The following DEPDC5 variants were observed in gnomAD, a reference collection of about 807,000 sequenced individuals.
The protein encoded by DEPDC5 is GATOR1 complex protein DEPDC5.
Under a neutral mutation model 217.3 loss-of-function variants are expected in DEPDC5, and 73 were observed. That is an observed-to-expected ratio of 0.34 (90% CI 0.28 to 0.41). DEPDC5 has a LOEUF of 0.41. DEPDC5 is among the 10% of genes least tolerant of loss of function. The pLI is 1.00. For missense variants in DEPDC5, 1,675 were observed against 2,070.1 expected (o/e 0.81, Z 3.70); for synonymous variants, 733 against 756.7 (o/e 0.97, Z 0.51).
At chr22:31,833,743 G>A (rs1488388389) in intron 24 of DEPDC5, 172 bp from the exon 25 acceptor site, 8 of 496,052 alleles carry the variant, frequency 1.6e-5, no homozygotes, top group Non-Finnish European at 2.8e-5. Context: ...ATTTTAGATT[G>A]ATCATTTTTC....
At chr22:31,822,448 T>G (rs1217741741) in intron 23 of DEPDC5, among the ~76,000 whole-genome samples, 1 of 151,558 alleles carries the variant, frequency 6.6e-6, no homozygotes, top group Non-Finnish European at 1.5e-5. Flanking sequence ...ACAGGGCGGG[T>G]GGTCTAGCTT....
intron 31 of DEPDC5, among the ~76,000 whole-genome samples, chr22:31,847,718 A>G (rs1245196453): frequency 6.6e-6 from 1 of 152,174 alleles, no homozygotes; most frequent in African/African-American, 2.4e-5. Flanking sequence ...ACTCAAGATA[A>G]GATTTGGGTG....
chr22:31,895,245 A>G (rs1388901845), intron 39 of DEPDC5, among the ~76,000 whole-genome samples: 1 of 152,026 alleles, frequency 6.6e-6, no homozygotes, highest in East Asian at 1.9e-4. Context: ...TCATCATCCT[A>G]TAATGCACAG....
At chr22:31,902,522 C>G (rs940885822) in intron 41 of DEPDC5, among the ~76,000 whole-genome samples, 1 of 151,338 alleles carries the variant, frequency 6.6e-6, no homozygotes, top group Non-Finnish European at 1.5e-5. Context: ...CGTCTAAGGT[C>G]TACCCCTTCA....
At chr22:31,835,570 G>A (rs2090932150) in intron 25 of DEPDC5, among the ~76,000 whole-genome samples, 1 of 152,228 alleles carries the variant, frequency 6.6e-6, no homozygotes, top group Non-Finnish European at 1.5e-5. Flanking sequence ...GAAGGCTGAT[G>A]ATGGCCAGGA....
intron 17 of DEPDC5, 193 bp downstream of exon 17, chr22:31,805,108 GA>G: frequency 2.2e-6 from 1 of 457,078 alleles, no homozygotes. Flanking sequence ...AGTCTATGGT[GA>G]AAAAGAATAA....
intron 40 of DEPDC5, among the ~76,000 whole-genome samples, chr22:31,898,591 A>G (rs1011215437): frequency 4.6e-5 from 7 of 152,234 alleles, no homozygotes; most frequent in Admixed American, 6.5e-5. Context: ...TGTCGTGATC[A>G]GCGGCAGAGA....
chr22:31,846,905 C>G lies in DEPDC5; in HGVS notation c.3093C>G (p.Pro1031=). The part of the protein sequence containing the change: ...ISTHSLESTA[P]PVGKKGTSAL... ...CGCATTCTCTGGAGTCAACTGCACC[C>G]CCAGTGGGGAAGAAGGGAACCTCAG... Residue 1031 remains proline, a synonymous_variant, in exon 31 of 43, where the codon CCC becomes CCG. Coordinates refer to ENST00000651528, the MANE Select transcript of DEPDC5 (RefSeq NM_001242896.3). 2 of 1,614,230 alleles carry G rather than the reference C, an allele frequency of 1.2e-6. No individual in the cohort carries two copies. The highest frequency in any genetic ancestry group is 1.7e-6 in the Non-Finnish European group (2 of 1,180,038).
intron 2 of DEPDC5, among the ~76,000 whole-genome samples, chr22:31,755,667 C>T (rs887152750): frequency 2.0e-5 from 3 of 151,926 alleles, no homozygotes; most frequent in Non-Finnish European, 4.4e-5. Flanking sequence ...ACCTCAACCT[C>T]CCTAATAGTT....
At chr22:31,857,668 TTCTACCCTGAAC>T in intron 32 of DEPDC5, 115 bp downstream of exon 32, 1 of 815,242 alleles carries the variant, frequency 1.2e-6, no homozygotes, top group Non-Finnish European at 2.0e-6. Flanking sequence ...TTTGGATGAA[TTCTACCCTGAAC>T]CCTTTAAAGG....
intron 31 of DEPDC5, among the ~76,000 whole-genome samples, chr22:31,852,426 C>T (rs1313925041): frequency 2.0e-5 from 3 of 151,216 alleles, no homozygotes; most frequent in African/African-American, 4.9e-5. Flanking sequence ...CCGCAGCCTC[C>T]ATCTTCTGGG....
chr22:31,886,502 G>A (rs1025441932), intron 38 of DEPDC5, among the ~76,000 whole-genome samples: 1 of 152,124 alleles, frequency 6.6e-6, no homozygotes, highest in African/African-American at 2.4e-5. Context: ...GCTCACGGCT[G>A]TAATCCCAAC....
intron 23 of DEPDC5, 94 bp downstream of exon 23, chr22:31,821,731 T>A: frequency 6.5e-7 from 1 of 1,534,524 alleles, no homozygotes; most frequent in East Asian, 2.3e-5. Context: ...AAATGTTGTT[T>A]AGAAGACTTG....
chr22:31,787,547 C>T (rs981928092), intron 10 of DEPDC5, among the ~76,000 whole-genome samples: 4 of 152,106 alleles, frequency 2.6e-5, no homozygotes, highest in Non-Finnish European at 4.4e-5. Flanking sequence ...TGGCTCACAC[C>T]TTTAATCCCA....
chr22:31,881,718 G>A (rs1236073126), intron 38 of DEPDC5, among the ~76,000 whole-genome samples: 1 of 152,118 alleles, frequency 6.6e-6, no homozygotes, highest in African/African-American at 2.4e-5. Flanking sequence ...GGCTGAGGCA[G>A]GAGGATCACT....
At chr22:31,765,528 A>G (rs2148112370) in intron 5 of DEPDC5, among the ~76,000 whole-genome samples, 2 of 152,114 alleles carry the variant, frequency 1.3e-5, no homozygotes, top group South Asian at 4.1e-4. Flanking sequence ...ACCTCAGGTG[A>G]TCCACCTGCC....
intron 24 of DEPDC5, among the ~76,000 whole-genome samples, chr22:31,829,313 C>T (rs2090411872): frequency 6.6e-6 from 1 of 152,170 alleles, no homozygotes; most frequent in African/African-American, 2.4e-5. Context: ...GGGTGGATCA[C>T]TTGAAGTCAG....
At chr22:31,844,396 AAAAAT>A (rs2091592059) in intron 29 of DEPDC5, among the ~76,000 whole-genome samples, 1 of 152,180 alleles carries the variant, frequency 6.6e-6, no homozygotes, top group South Asian at 2.1e-4. Flanking sequence ...CTTGTCTCAA[AAAAAT>A]AAAATAGGTT....
chr22:31,821,075 C>T (rs2089649246), intron 22 of DEPDC5, among the ~76,000 whole-genome samples: 1 of 152,238 alleles, frequency 6.6e-6, no homozygotes, highest in Non-Finnish European at 1.5e-5. Flanking sequence ...TCCTACTCTG[C>T]CTTTTTTGCA....
Sources: gnomAD v4.1 joint callset for allele counts (sites outside exome capture counted in the v4.1 genomes callset) on GRCh38, gnomAD v4.1.1 for gene constraint, MANE v1.5 for transcripts, NCBI Gene and HGNC (gene_info 2026-07-23, HGNC 2026-07-21) for gene names.